The following SELENOV variants were observed in gnomAD, a reference collection of about 807,000 sequenced individuals.
SELENOV encodes selenoprotein V.
Under a neutral mutation model 21.6 loss-of-function variants are expected in SELENOV, and 25 were observed. That is an observed-to-expected ratio of 1.16 (90% CI 0.84 to 1.62). SELENOV has a LOEUF of 1.62. SELENOV is among the 40% of genes most tolerant of loss of function. SELENOV has a pLI of 0.00. For synonymous variants in SELENOV, 227 were observed against 216.9 expected (o/e 1.05, Z -0.41); for missense variants, 472 against 459.0 (o/e 1.03, Z -0.26).
Position 39,515,577 on chromosome 19 carries a change from T to TGCCAGC in SELENOV, c.365_366insGCCAGC (p.Pro127_Ala128dup). On this transcript the variant is annotated inframe_insertion, in exon 1 of 6. Coordinates refer to ENST00000335426, the Ensembl canonical transcript of SELENOV. The surrounding 1 kb of genome is among the most constrained non-coding windows in gnomAD (Gnocchi z 5.1). ...CGGACCCTGACTCCTCCAGTCCGGG[T>TGCCAGC]CCCAGCCCCAGCCCCAGCCCAGCTC... 1 of 1,548,820 alleles carries TGCCAGC rather than the reference T, an allele frequency of 6.5e-7. No individual in the cohort carries two copies. Among genetic ancestry groups the TGCCAGC allele is most frequent in the South Asian group, 1.2e-5 (1 of 84,038 alleles).
At position 39,519,313 on chromosome 19, in the gene SELENOV, G is replaced by C. The variant is rs1302308803; in HGVS notation, c.*22+143G>C. On this transcript the variant is annotated intron_variant, in intron 5 of 5. Transcript: ENST00000335426. ...ACAAGTCACCTACATTCTTTTCTGA[G>C]CCTCAGTTGCCTCATCTGTAAGACC... The C allele has an allele frequency of 6.2e-6, 4 of 642,820 alleles. No homozygotes were observed. The African/African-American group carries it at 7.3e-5, about 12-fold the overall frequency. The allele number at this position is 642,820 out of a possible 1,614,324, so 39.8% of individuals were successfully genotyped here.
At chr19:39,516,250 C>G in intron 1 of SELENOV, 1 of 684,884 alleles carries the variant, frequency 1.5e-6, no homozygotes, top group Non-Finnish European at 2.7e-6. Context: ...TTCATTCATT[C>G]GTTTCTGAGT....
Position 39,515,440 on chromosome 19 carries a change from C to T in SELENOV, c.228C>T (p.Pro76=), listed in dbSNP as rs1234972217. ...AGATTCCCACTCTGGTCCCCACTCCCGCTCTGGCCCGGATCCCCCGTCTGG... is the reference window on the plus strand; with the variant it reads ...AGATTCCCACTCTGGTCCCCACTCCTGCTCTGGCCCGGATCCCCCGTCTGG... Residue 76 remains proline (P), a synonymous_variant, in exon 1 of 6, where the codon CCC becomes CCT. Transcript: ENST00000335426. This position sits in a 1 kb window ranked among gnomAD's most constrained non-coding sequence, Gnocchi z 5.1. 1.9e-6 allele frequency: 3 copies of T among 1,551,506 alleles called. No homozygotes were observed. The highest frequency in any genetic ancestry group is 2.4e-5 in the East Asian group (1 of 40,922).
intron 2 of SELENOV, 36 bp from the exon 3 acceptor site, chr19:39,518,704 C>T (rs765858649): frequency 6.2e-6 from 10 of 1,613,042 alleles, no homozygotes; most frequent in Non-Finnish European, 8.5e-6. Flanking sequence ...TGTTTCCCCT[C>T]CCCTGCAACC....
At chr19:39,517,920 G>A (rs528616967) in intron 1 of SELENOV, among the ~76,000 whole-genome samples, 1 of 127,606 alleles carries the variant, frequency 7.8e-6, no homozygotes, top group African/African-American at 3.0e-5. Flanking sequence ...AGCCGAGATC[G>A]CACCACTGCT....
chr19:39,519,421 C>G (rs2079717355), intron 5 of SELENOV, among the ~76,000 whole-genome samples: 1 of 151,916 alleles, frequency 6.6e-6, no homozygotes, highest in Non-Finnish European at 1.5e-5. Context: ...GCTAAAATGG[C>G]AGATCACTTG....
rs1387850243 is a variant in SELENOV, at chr19:39,515,193, C to T, written c.-20C>T. ...CGGGCGGGACTCCCCAACCGGCTTG[C>T]CCCGGTCCCCCTGGGCCCCATGAAT... is the stretch of plus-strand genomic sequence containing the variant. On this transcript the variant is annotated 5_prime_UTR_variant, in exon 1 of 6. Transcript: ENST00000335426. The surrounding 1 kb of genome is among the most constrained non-coding windows in gnomAD (Gnocchi z 5.1). 18 of 1,477,006 alleles carry T rather than the reference C, an allele frequency of 1.2e-5. No homozygotes were observed. Among genetic ancestry groups the T allele is most frequent in the Non-Finnish European group, 1.6e-5 (17 of 1,083,148 alleles). 91.5% of individuals were successfully genotyped at this position (1,477,006 alleles called of 1,614,324 possible). A position where few individuals can be genotyped will look rare whatever the true frequency, so the allele number is the denominator to read the frequency against.
intron 1 of SELENOV, among the ~76,000 whole-genome samples, chr19:39,517,291 A>G (rs1335844856): frequency 6.6e-6 from 1 of 151,772 alleles, no homozygotes; most frequent in East Asian, 1.9e-4. Flanking sequence ...TCGTGTATTC[A>G]TGTATTCATT....
chr19:39,516,334 C>T (rs1046492432), intron 1 of SELENOV: 1 of 515,866 alleles, frequency 1.9e-6, no homozygotes, highest in South Asian at 1.7e-5. Context: ...ACTTTGCTCC[C>T]CAGCAAGACC....
intron 1 of SELENOV, among the ~76,000 whole-genome samples, chr19:39,517,092 C>A (rs917068589): frequency 3.9e-5 from 6 of 152,018 alleles, no homozygotes; most frequent in Admixed American, 3.9e-4. Context: ...CTCCTACATT[C>A]AAGCAGTCCT....
exon 5 of SELENOV, chr19:39,519,166 T>C (rs367755152): frequency 1.6e-4 from 260 of 1,611,350 alleles, no homozygotes; most frequent in Non-Finnish European, 2.0e-4. Context: ...GGGGTGGAGC[T>C]GGAGGTGAGC....
exon 6 of SELENOV, chr19:39,520,623 C>A (rs1430096503): frequency 6.6e-6 from 1 of 152,110 alleles, no homozygotes; most frequent in Non-Finnish European, 1.5e-5. Flanking sequence ...TATGTTCCAG[C>A]CTGCGCAACA....
chr19:39,518,435 C>T (rs372846237), intron 1 of SELENOV, 173 bp from the exon 2 acceptor site: 61 of 667,554 alleles, frequency 9.1e-5, no homozygotes, highest in African/African-American at 3.2e-4. Flanking sequence ...TTGCAGGCCA[C>T]GGGAAGGACT....
chr19:39,515,153 C>T lies in SELENOV; in HGVS notation c.-60C>T. On this transcript the variant is annotated 5_prime_UTR_variant, in exon 1 of 6. Coordinates refer to ENST00000335426, the Ensembl canonical transcript of SELENOV. The surrounding 1 kb of genome is among the most constrained non-coding windows in gnomAD (Gnocchi z 5.1). ...CCCGGTGCGGGAGACGCTCTCCCCG[C>T]CCAAAGAGGGAAGGCGGGCGGGACT... 9.3e-7 allele frequency: 1 copy of T among 1,074,172 alleles called. No homozygotes were observed. The highest frequency in any genetic ancestry group is 1.4e-6 in the Non-Finnish European group (1 of 734,432). The allele number at this position is 1,074,172 out of a possible 1,614,324, so 66.5% of individuals were successfully genotyped here. A position where few individuals can be genotyped will look rare whatever the true frequency, so the allele number is the denominator to read the frequency against.
intron 5 of SELENOV, among the ~76,000 whole-genome samples, chr19:39,519,373 T>C (rs58158320): frequency 0.029 from 4,386 of 151,664 alleles, 208 homozygotes; most frequent in East Asian, 0.2. Context: ...GTTTGAAAAA[T>C]AGCAAGGAGG....
In SELENOV at chr19:39,515,830, C is replaced by G. The variant is rs376006283; in HGVS notation, c.618C>G (p.Thr206=). ...TGGCCGCGAACTCACCCGGGCCCAC[C>G]CTGGACTTCACCTTCAGGGCAGACC... The change falls in exon 1 of 6, where the codon ACC becomes ACG. Residue 206 remains threonine, a synonymous_variant. Transcript: ENST00000335426. This position sits in a 1 kb window ranked among gnomAD's most constrained non-coding sequence, Gnocchi z 5.1. The G allele has an allele frequency of 1.9e-6, 3 of 1,551,102 alleles. No homozygotes were observed. In the South Asian group the frequency reaches 3.6e-5, roughly 18 times the overall value.
intron 1 of SELENOV, among the ~76,000 whole-genome samples, chr19:39,516,526 C>T (rs895451486): frequency 2.0e-5 from 3 of 151,928 alleles, no homozygotes; most frequent in East Asian, 1.9e-4. Context: ...CTCTCTCTCT[C>T]TTTTGTTTTT....
Position 39,515,346 on chromosome 19 carries a change from C to CCCTGACTCCAGT in SELENOV, c.144_155dup (p.Val49_Pro52dup), listed in dbSNP as rs942649143. 1.9e-6 allele frequency: 3 copies of CCCTGACTCCAGT among 1,551,516 alleles called. No individual in the cohort carries two copies. The highest frequency in any genetic ancestry group is 4.9e-5 in the East Asian group (2 of 40,890). The stretch of plus-strand genomic sequence containing the variant: ...GTCCGGACTCGGACCCCCATCCGGA[C>CCCTGACTCCAGT]CCTGACTCCAGTCCTGACTCCGTCT... On this transcript the variant is annotated inframe_insertion, in exon 1 of 6. Transcript: ENST00000335426. The surrounding 1 kb of genome is among the most constrained non-coding windows in gnomAD (Gnocchi z 5.1).
In SELENOV at chr19:39,515,520, T is replaced by C. The variant is rs898197962; in HGVS notation, c.308T>C (p.Val103Ala). ...ACTCCGGTGCCGACTCCCGTTCCCG[T>C]CCGGAACCCAACTCCGGTCCCGACT... The change falls in exon 1 of 6, where the codon GTC becomes GCC. Residue 103 changes from valine (V) to alanine (A), a missense_variant. By Grantham distance (64) the Val-to-Ala change is moderately conservative. Coordinates refer to ENST00000335426, the Ensembl canonical transcript of SELENOV. This position sits in a 1 kb window ranked among gnomAD's most constrained non-coding sequence, Gnocchi z 5.1. The C allele has an allele frequency of 1.6e-5, 25 of 1,550,236 alleles. No individual in the cohort carries two copies. The African/African-American group carries it at 2.1e-4, about 13-fold the overall frequency.
Sources: allele counts gnomAD v4.1 joint callset (sites outside exome capture counted in the v4.1 genomes callset), GRCh38; gene constraint gnomAD v4.1.1; non-coding constraint Gnocchi (gnomAD v3.1); transcripts MANE v1.5; gene names NCBI Gene and HGNC (gene_info 2026-07-23, HGNC 2026-07-21).